The following SPDYA variants were observed in gnomAD, a reference collection of about 807,000 sequenced individuals.
SPDYA encodes the protein speedy/RINGO cell cycle regulator family member A.
In SPDYA, 11 loss-of-function variants were observed where a neutral mutation model predicts 36.7. The observed-to-expected ratio is 0.30, with a 90% confidence interval of 0.19 to 0.50. SPDYA has a LOEUF of 0.50. Ranked by LOEUF, SPDYA falls within the 20% of genes least tolerant of loss-of-function variation. The pLI is 0.98. For missense variants in SPDYA, 287 were observed against 370.9 expected, an observed-to-expected ratio of 0.77 and a Z score of 1.86; for synonymous variants, 115 against 118.7, an observed-to-expected ratio of 0.97 and a Z score of 0.20.
intron 5 of SPDYA, among the ~76,000 whole-genome samples, chr2:28,823,931 G>A (rs1668246636): frequency 6.7e-6 from 1 of 148,872 alleles, no homozygotes. Flanking sequence ...GTTTTTAGTA[G>A]AGATGAGGTT....
intron 7 of SPDYA, among the ~76,000 whole-genome samples, chr2:28,846,711 TAGA>T (rs1210930934): frequency 1.9e-5 from 2 of 106,788 alleles, no homozygotes; most frequent in Non-Finnish European, 3.8e-5. Flanking sequence ...AGAAGAGAAA[TAGA>T]AGAAAACTAC....
chr2:28,841,618 G>T (rs1668751492), intron 7 of SPDYA, among the ~76,000 whole-genome samples: 1 of 152,104 alleles, frequency 6.6e-6, no homozygotes, highest in African/African-American at 2.4e-5. Flanking sequence ...TTACCACAAA[G>T]ATATTAATAG....
intron 6 of SPDYA, among the ~76,000 whole-genome samples, chr2:28,829,856 A>G (rs1668430907): frequency 6.7e-6 from 1 of 148,366 alleles, no homozygotes; most frequent in African/African-American, 2.5e-5. Context: ...AGGCAGGAGA[A>G]TGGTGTGAAC....
At chr2:28,818,457 AAAAAG>A (rs202127832) in intron 3 of SPDYA, among the ~76,000 whole-genome samples, 33 of 149,826 alleles carry the variant, frequency 2.2e-4, no homozygotes, top group East Asian at 5.9e-4. Context: ...AAAAAAAAAA[AAAAAG>A]AGAAAGAGAG....
intron 5 of SPDYA, among the ~76,000 whole-genome samples, chr2:28,828,416 A>G (rs1668387685): frequency 6.6e-6 from 1 of 152,042 alleles, no homozygotes; most frequent in African/African-American, 2.4e-5. Flanking sequence ...CAATCAGTGT[A>G]TTTTTCATTG....
chr2:28,818,270 A>C (rs1389075934), intron 3 of SPDYA, among the ~76,000 whole-genome samples: 4 of 152,156 alleles, frequency 2.6e-5, no homozygotes, highest in African/African-American at 9.7e-5. Flanking sequence ...TTTAGTGTAC[A>C]CAAATGAATA....
intron 6 of SPDYA, among the ~76,000 whole-genome samples, chr2:28,830,976 T>C (rs946244410): frequency 6.6e-6 from 1 of 152,206 alleles, no homozygotes; most frequent in Admixed American, 6.5e-5. Context: ...ATCTTAAGAT[T>C]TGATAGAATT....
At chr2:28,843,458 G>A (rs1282584630) in intron 7 of SPDYA, among the ~76,000 whole-genome samples, 1 of 151,458 alleles carries the variant, frequency 6.6e-6, no homozygotes, top group Non-Finnish European at 1.5e-5. Flanking sequence ...GCTGAGGCAG[G>A]AGAATCGCTT....
chr2:28,833,927 G>GA (rs1417970083), intron 6 of SPDYA, among the ~76,000 whole-genome samples: 3 of 151,890 alleles, frequency 2.0e-5, no homozygotes, highest in Admixed American at 6.6e-5. Flanking sequence ...CCTATAAAAT[G>GA]AAAAAAATTT....
chr2:28,813,895 G>A (rs967182356), intron 1 of SPDYA, among the ~76,000 whole-genome samples: 7 of 152,108 alleles, frequency 4.6e-5, no homozygotes, highest in Non-Finnish European at 8.8e-5. Flanking sequence ...AAAAAAATAT[G>A]CAGATGAGGC....
At chr2:28,849,493 T>A (rs1668979474) in intron 7 of SPDYA, among the ~76,000 whole-genome samples, 1 of 152,240 alleles carries the variant, frequency 6.6e-6, no homozygotes, top group African/African-American at 2.4e-5. Flanking sequence ...GGTTTTGCCA[T>A]GTTGGCCAGA....
chr2:28,837,561 T>C (rs1351132414), intron 6 of SPDYA, among the ~76,000 whole-genome samples: 1 of 152,166 alleles, frequency 6.6e-6, no homozygotes, highest in Non-Finnish European at 1.5e-5. Context: ...TTAAGAACTT[T>C]CCAGGCACTG....
intron 6 of SPDYA, among the ~76,000 whole-genome samples, chr2:28,835,887 G>A (rs905460326): frequency 6.6e-6 from 1 of 152,184 alleles, no homozygotes; most frequent in African/African-American, 2.4e-5. Flanking sequence ...TGCCCTGGGA[G>A]TTTATTGTAA....
chr2:28,823,642 AAG>A (rs1333547674), intron 5 of SPDYA, among the ~76,000 whole-genome samples: 1 of 141,964 alleles, frequency 7.0e-6, no homozygotes, highest in African/African-American at 2.6e-5. Flanking sequence ...AAAAAAAAAA[AAG>A]AGTATATTTC....
Position 28,850,385 on chromosome 2 carries a change from G to T in SPDYA, c.*444G>T. ...GCAACATAGGGAAATGATCCATATG[G>T]AAAATCAGAATGCGATTCTTCTGTT... On this transcript the variant is annotated 3_prime_UTR_variant, in exon 8 of 8. Coordinates refer to ENST00000334056, the MANE Select transcript of SPDYA (RefSeq NM_182756.4). 6.2e-7 allele frequency: 1 copy of T among 1,606,420 alleles called. No homozygotes were observed. Among genetic ancestry groups the T allele is most frequent in the Non-Finnish European group, 8.5e-7 (1 of 1,175,998 alleles).
rs1359561002 is a variant in SPDYA at position 28,816,086 on chromosome 2, A to T, written c.72A>T (p.Arg24Ser). The T allele has an allele frequency of 6.2e-7, 1 of 1,614,072 alleles. No individual in the cohort carries two copies. The highest frequency in any genetic ancestry group is 1.7e-5 in the Admixed American group (1 of 60,026). ...TTTATGTAAAATCAGGGTCAAATAG[A>T]TCACATCAGCCTAAAAAGCCCATTA... ...VTVYVKSGSNRSHQPKKPITL... is the reference protein window; with the variant it reads ...VTVYVKSGSNSSHQPKKPITL... The change falls in exon 3 of 8, where the codon AGA (arginine) becomes AGT (serine). Residue 24 changes from arginine (R) to serine (S), a missense_variant. Coordinates refer to ENST00000334056, the MANE Select transcript of SPDYA (RefSeq NM_182756.4).
intron 5 of SPDYA, among the ~76,000 whole-genome samples, chr2:28,823,573 G>A (rs1358420280): frequency 2.1e-5 from 3 of 142,984 alleles, no homozygotes; most frequent in Admixed American, 7.1e-5. Context: ...GCAGTGAGCC[G>A]AAATCACACC....
rs1036494170 is a variant in SPDYA, at chr2:28,850,322, A to G, written c.*381A>G. 25 of 1,606,616 alleles carry G rather than the reference A, an allele frequency of 1.6e-5. No homozygotes were observed. Among genetic ancestry groups the G allele is most frequent in the Non-Finnish European group, 2.1e-5 (25 of 1,174,722 alleles). ...CCATTTAATATGTTCTGAAAACATT[A>G]CTCACCTGTATGACCAGGTTGCCAG... On this transcript the variant is annotated 3_prime_UTR_variant, in exon 8 of 8. Coordinates refer to ENST00000334056, the MANE Select transcript of SPDYA (RefSeq NM_182756.4).
At chr2:28,840,930 GTTTTTTTT>G (rs70956054) in intron 7 of SPDYA, 2 of 114,646 alleles carry the variant, frequency 1.7e-5, no homozygotes, top group South Asian at 3.0e-4. Context: ...TCCAAAACCA[GTTTTTTTT>G]TTTTTTTTTT....
Sources: allele counts gnomAD v4.1 joint callset (sites outside exome capture counted in the v4.1 genomes callset), GRCh38; gene constraint gnomAD v4.1.1; transcripts MANE v1.5; gene names NCBI Gene and HGNC (gene_info 2026-07-23, HGNC 2026-07-21).